The following SLC30A8 variants were observed in gnomAD, a reference collection of about 807,000 sequenced individuals.
SLC30A8 encodes the protein proton-coupled zinc antiporter SLC30A8.
In SLC30A8, 27 loss-of-function variants were observed where a neutral mutation model predicts 36.9. The ratio of observed to expected loss-of-function variants is 0.73; its 90% CI spans 0.54 to 1.01. The LOEUF (loss-of-function observed/expected upper bound fraction) is 1.01. SLC30A8 is among the 50% of genes least tolerant of loss of function. The pLI is 0.00. For missense variants in SLC30A8, 439 were observed against 452.0 expected (o/e 0.97, Z 0.26); for synonymous variants, 164 against 172.4 (o/e 0.95, Z 0.38).
At chr8:116,959,655 C>T in intron 1 of SLC30A8, among the ~76,000 whole-genome samples, 1 of 152,054 alleles carries the variant, frequency 6.6e-6, no homozygotes, top group East Asian at 1.9e-4. Flanking sequence ...TTAGATGGAA[C>T]CAGAGCAGCA....
At chr8:117,030,278 C>G (rs573333371) in intron 1 of SLC30A8, among the ~76,000 whole-genome samples, 1 of 150,804 alleles carries the variant, frequency 6.6e-6, no homozygotes, top group Admixed American at 6.6e-5. Context: ...AAAAAGGCAC[C>G]CAAAACAACT....
chr8:117,150,632 G>T (rs1016593255), intron 2 of SLC30A8, among the ~76,000 whole-genome samples: 1 of 152,056 alleles, frequency 6.6e-6, no homozygotes, highest in Admixed American at 6.5e-5. Context: ...TTGAGACGGG[G>T]TCTCGTTCTG....
rs1182425151 is a variant in SLC30A8, at chr8:117,175,231, A to G, written c.*2550A>G. The G allele has an allele frequency of 1.3e-5, 2 of 152,062 alleles. No homozygotes were observed. The highest frequency in any genetic ancestry group is 1.3e-4 in the Admixed American group (2 of 15,250). The allele number at this position is 152,062 out of a possible 1,614,324, so 9.4% of individuals were successfully genotyped here. A position where few individuals can be genotyped will look rare whatever the true frequency, so the allele number is the denominator to read the frequency against. On this transcript the variant is annotated 3_prime_UTR_variant, in exon 8 of 8. Transcript: ENST00000456015. ...CTGCACTCATCAACCTGTCATCTACATTCTTTTATGTCTGTCTTTCAAAGC... is the reference window on the plus strand; with the variant it reads ...CTGCACTCATCAACCTGTCATCTACGTTCTTTTATGTCTGTCTTTCAAAGC...
chr8:116,965,832 T>A (rs1586335331), intron 1 of SLC30A8, among the ~76,000 whole-genome samples: 1 of 152,124 alleles, frequency 6.6e-6, no homozygotes, highest in East Asian at 1.9e-4. Flanking sequence ...TTTGCTACTC[T>A]AAAATCTTCT....
At chr8:117,157,568 C>A in intron 3 of SLC30A8, 123 bp from the exon 4 acceptor site, 1 of 1,017,106 alleles carries the variant, frequency 9.8e-7, no homozygotes, top group South Asian at 1.9e-5. Flanking sequence ...TTGTGAATCA[C>A]TGGATGAACT....
intron 1 of SLC30A8, among the ~76,000 whole-genome samples, chr8:116,965,867 ATTTTTAATTT>A (rs1053244608): frequency 2.7e-5 from 4 of 149,894 alleles, no homozygotes; most frequent in Non-Finnish European, 4.4e-5. Context: ...CCCTAACAAT[ATTTTTAATTT>A]TTTTTAATTT....
intron 2 of SLC30A8, among the ~76,000 whole-genome samples, chr8:117,040,594 G>A (rs951339726): frequency 3.9e-5 from 6 of 152,072 alleles, no homozygotes; most frequent in South Asian, 2.1e-4. Flanking sequence ...CTCATTCCCC[G>A]GATTAATTAA....
upstream of SLC30A8, among the ~76,000 whole-genome samples, chr8:117,133,700 G>A (rs756652541): frequency 6.6e-6 from 1 of 152,020 alleles, no homozygotes; most frequent in African/African-American, 2.4e-5. Context: ...ATATGGCAGT[G>A]TGTCACACAG....
At chr8:117,092,639 G>C (rs1819182029) in intron 2 of SLC30A8, among the ~76,000 whole-genome samples, 1 of 152,224 alleles carries the variant, frequency 6.6e-6, no homozygotes, top group African/African-American at 2.4e-5. Context: ...GAGATAGGTA[G>C]AGAAAACTAG....
At chr8:116,960,902 G>A (rs114694248) in intron 1 of SLC30A8, among the ~76,000 whole-genome samples, 26 of 152,170 alleles carry the variant, frequency 1.7e-4, no homozygotes, top group African/African-American at 6.0e-4. Flanking sequence ...GCATGCTATT[G>A]TGACTTGCTT....
chr8:117,038,826 A>T (rs1817296726), intron 1 of SLC30A8, among the ~76,000 whole-genome samples: 1 of 152,236 alleles, frequency 6.6e-6, no homozygotes, highest in Non-Finnish European at 1.5e-5. Context: ...GATGATTTTA[A>T]ACTAAAAGAT....
intron 1 of SLC30A8, among the ~76,000 whole-genome samples, chr8:117,141,343 C>T (rs1821644205): frequency 6.6e-6 from 1 of 152,028 alleles, no homozygotes; most frequent in Non-Finnish European, 1.5e-5. Context: ...GGATTTATCC[C>T]AGTAATGCAA....
chr8:116,976,957 T>C (rs987008450), intron 1 of SLC30A8, among the ~76,000 whole-genome samples: 2 of 146,120 alleles, frequency 1.4e-5, no homozygotes, highest in African/African-American at 2.6e-5. Context: ...GCTGGGATAC[T>C]GCAAGCATGT....
chr8:117,129,841 A>G (rs977382426), intron 2 of SLC30A8: 1 of 151,950 alleles, frequency 6.6e-6, no homozygotes, highest in African/African-American at 2.4e-5. Flanking sequence ...GCTAAATACA[A>G]TGTTTTCAAT....
rs150458118 is a variant in SLC30A8, at chr8:117,160,446, T to TGTGTGTGTGCGC, written c.573-1291_573-1290insTGTGTGTGCGCG. 6.2e-5 allele frequency among the ~76,000 whole-genome samples: 9 copies of TGTGTGTGTGCGC among 144,618 alleles called. No homozygotes were observed. The South Asian group carries it at 6.7e-4, about 11-fold the overall frequency. 94.9% of individuals were successfully genotyped at this position (144,618 alleles called of 152,430 possible). On this transcript the variant is annotated intron_variant, in intron 4 of 7. Transcript: ENST00000456015. The stretch of plus-strand genomic sequence containing the variant: ...GTGTGTGTGTGTGTGCGCGCACATG[T>TGTGTGTGTGCGC]GCGCGCGGTGGGGGAGTGGGGTGTT...
intron 1 of SLC30A8, among the ~76,000 whole-genome samples, chr8:116,959,441 T>C (rs964373402): frequency 6.6e-6 from 1 of 152,210 alleles, no homozygotes; most frequent in Non-Finnish European, 1.5e-5. Flanking sequence ...AATTGATCGA[T>C]TTTTCTTCTC....
At position 117,175,200 on chromosome 8, in the gene SLC30A8, G is replaced by A. The variant is rs1264649534; in HGVS notation, c.*2519G>A. ...TACATAGGTATACATGTGCCATGGT[G>A]GTTTGCTGCACTCATCAACCTGTCA... On this transcript the variant is annotated 3_prime_UTR_variant, in exon 8 of 8. Coordinates refer to ENST00000456015, the MANE Select transcript of SLC30A8 (RefSeq NM_173851.3). 1.3e-5 allele frequency: 2 copies of A among 152,038 alleles called. No individual in the cohort carries two copies. Among genetic ancestry groups the A allele is most frequent in the East Asian group, 3.9e-4 (2 of 5,176 alleles). 9.4% of individuals were successfully genotyped at this position (152,038 alleles called of 1,614,324 possible). A position where few individuals can be genotyped will look rare whatever the true frequency, so the allele number is the denominator to read the frequency against.
chr8:117,082,232 G>C (rs1267493066), intron 2 of SLC30A8, among the ~76,000 whole-genome samples: 1 of 152,130 alleles, frequency 6.6e-6, no homozygotes, highest in Non-Finnish European at 1.5e-5. Context: ...TCCATACCCT[G>C]CTTTAATTAT....
intron 2 of SLC30A8, among the ~76,000 whole-genome samples, chr8:117,074,562 G>A (rs905991051): frequency 6.6e-5 from 10 of 152,098 alleles, no homozygotes; most frequent in African/African-American, 2.4e-4. Context: ...CTAACACATT[G>A]ATAATATTTA....
Sources: gnomAD v4.1 joint callset for allele counts (sites outside exome capture counted in the v4.1 genomes callset) on GRCh38, gnomAD v4.1.1 for gene constraint, MANE v1.5 for transcripts, NCBI Gene and HGNC (gene_info 2026-07-23, HGNC 2026-07-21) for gene names.